DDX52: variants seen among roughly 807,000 people sequenced by gnomAD.
DDX52 encodes probable ATP-dependent RNA helicase DDX52.
DDX52 carries 59 observed loss-of-function variants against 76.1 expected under a neutral mutation model. The ratio of observed to expected loss-of-function variants is 0.78; its 90% CI spans 0.63 to 0.96. The LOEUF is 0.96. Among genes scored for constraint, DDX52 ranks in the 40% least tolerant of loss-of-function variants. DDX52 has a pLI of 0.00. For synonymous variants in DDX52, 231 were observed against 244.1 expected (o/e 0.95, Z 0.50); for missense variants, 707 against 703.9 (o/e 1.00, Z -0.05).
chr17:37,611,986 A>C lies in DDX52; in HGVS notation c.*2310T>G, dbSNP rs2064372936. 6.7e-6 allele frequency: 1 copy of C among 149,036 alleles called. No individual in the cohort carries two copies. The highest frequency in any genetic ancestry group is 1.9e-4 in the East Asian group (1 of 5,170). The allele number at this position is 149,036 out of a possible 1,614,324, so 9.2% of individuals were successfully genotyped here. On this transcript the variant is annotated 3_prime_UTR_variant, in exon 15 of 15. Transcript: ENST00000617633. The stretch of plus-strand genomic sequence containing the variant: ...AAAAAAAAAAAAACAAAACAAAAAA[A>C]CTCATAAAGTAAAAGTTACAGTAAG...
chr17:37,630,074 A>G lies in DDX52; in HGVS notation c.703T>C (p.Phe235Leu), dbSNP rs757742314. 30 of 1,613,930 alleles carry G rather than the reference A, an allele frequency of 1.9e-5. No homozygotes were observed. Among genetic ancestry groups the G allele is most frequent in the Non-Finnish European group, 2.5e-5 (29 of 1,179,996 alleles). ...GTTGGTGATATAATCAGGGCTCTGA[A>G]GCCTTTATTTGCGGGTTGTTTCAGC... is the stretch of plus-strand genomic sequence containing the variant. ...MQLKQPANKG[F>L]RALIISPTRE... Residue 235 changes from phenylalanine to leucine, a missense_variant, in exon 5 of 15, where the codon TTC becomes CTC. Phe to Leu is a conservative substitution (Grantham distance 22). Transcript: ENST00000617633.
Position 37,625,970 on chromosome 17 carries a change from G to A in DDX52, c.1061C>T (p.Ala354Val), listed in dbSNP as rs772998805. 1.2e-5 allele frequency: 19 copies of A among 1,614,086 alleles called. No homozygotes were observed. The highest frequency in any genetic ancestry group is 1.5e-5 in the Non-Finnish European group (18 of 1,180,048). ...SHKVRRAMFSATFAYDVEQWC... is the reference protein window; with the variant it reads ...SHKVRRAMFSVTFAYDVEQWC... ...CTGTTCAACATCATATGCAAAAGTT[G>A]CACTGAACATAGCTCTTCGGACCTT... The change falls in exon 8 of 15, where the codon GCA becomes GTA. Residue 354 changes from alanine to valine, a missense_variant. By Grantham distance (64) the Ala-to-Val change is moderately conservative. Transcript: ENST00000617633.
chr17:37,614,149 G>T lies in DDX52; in HGVS notation c.*147C>A. 1.3e-6 allele frequency: 1 copy of T among 796,996 alleles called. No homozygotes were observed. Among genetic ancestry groups the T allele is most frequent in the Non-Finnish European group, 1.9e-6 (1 of 526,808 alleles). 49.4% of individuals were successfully genotyped at this position (796,996 alleles called of 1,614,324 possible). ...AATTGAAACTGACTTGATAGTTTAG[G>T]ATCATTTATCACCAGTCCCATGTAC... On this transcript the variant is annotated 3_prime_UTR_variant, in exon 15 of 15. Transcript: ENST00000617633.
At position 37,621,264 on chromosome 17, in the gene DDX52, A is replaced by G; in HGVS notation, c.1364T>C (p.Val455Ala). ...GATTTTTCCTGCTCTGAAACTGTGGACTGTGTTATCTCTCTGGTTAACAGA... is the reference window on the plus strand; with the variant it reads ...GATTTTTCCTGCTCTGAAACTGTGGGCTGTGTTATCTCTCTGGTTAACAGA... ...ERTQQQRDNT[V>A]HSFRAGKIWV... The change falls in exon 11 of 15, where the codon GTC becomes GCC. Residue 455 changes from valine to alanine, a missense_variant. By Grantham distance (64) the Val-to-Ala change is moderately conservative (BLOSUM62 0). Transcript: ENST00000617633. The G allele has an allele frequency of 6.2e-7, 1 of 1,612,384 alleles. No individual in the cohort carries two copies. Among genetic ancestry groups the G allele is most frequent in the Non-Finnish European group, 8.5e-7 (1 of 1,179,478 alleles).
chr17:37,618,408 GA>G, intron 13 of DDX52, 24 bp from the exon 14 acceptor site: 1 of 1,552,620 alleles, frequency 6.4e-7, no homozygotes, highest in Non-Finnish European at 8.7e-7. Context: ...AGTAAAAAAG[GA>G]AAAGAATTAA....
chr17:37,642,379 C>T, intron 1 of DDX52, 71 bp from the exon 2 acceptor site: 1 of 1,479,510 alleles, frequency 6.8e-7, no homozygotes, highest in Non-Finnish European at 9.1e-7. Flanking sequence ...CAAGACTGTT[C>T]AATGACTCCT....
rs578073222 is a variant in DDX52 at position 37,633,425 on chromosome 17, T to C, written c.287-7A>G. The C allele has an allele frequency of 1.3e-6, 2 of 1,550,462 alleles. No homozygotes were observed. Among genetic ancestry groups the C allele is most frequent in the Non-Finnish European group, 1.7e-6 (2 of 1,156,300 alleles). On this transcript the variant is annotated splice_region_variant and splice_polypyrimidine_tract_variant and intron_variant, in intron 2 of 14. Coordinates refer to ENST00000617633, the MANE Select transcript of DDX52 (RefSeq NM_007010.5). The stretch of plus-strand genomic sequence containing the variant: ...TCTTCTTGGGAAGCAATTTCTAAAA[T>C]ATATTTTTAAAAAGTAAAAGATTTT...
chr17:37,621,666 C>T, intron 9 of DDX52, 146 bp from the exon 10 acceptor site: 2 of 995,958 alleles, frequency 2.0e-6, no homozygotes, highest in East Asian at 2.7e-5. Context: ...TCTAATTCTG[C>T]CTCCATCTTC....
chr17:37,620,777 G>T, intron 12 of DDX52, 96 bp downstream of exon 12: 1 of 1,222,868 alleles, frequency 8.2e-7, no homozygotes, highest in Non-Finnish European at 1.1e-6. Context: ...TAGAATTTGG[G>T]ACATAGCCAT....
chr17:37,632,231 G>C lies in DDX52; in HGVS notation c.485C>G (p.Thr162Arg). 6.2e-7 allele frequency: 1 copy of C among 1,614,094 alleles called. No individual in the cohort carries two copies. The highest frequency in any genetic ancestry group is 2.2e-5 in the East Asian group (1 of 44,886). Residue 162 changes from threonine to arginine, a missense_variant, in exon 4 of 15, where the codon ACA becomes AGA. Coordinates refer to ENST00000617633, the MANE Select transcript of DDX52 (RefSeq NM_007010.5). ...ATATTCCTGGTCAAGTTGCTGAAATGTAGCAATTGGGTCAGGAAGATCGGT... is the reference window on the plus strand; with the variant it reads ...ATATTCCTGGTCAAGTTGCTGAAATCTAGCAATTGGGTCAGGAAGATCGGT... ...QGTDLPDPIATFQQLDQEYKI... is the reference protein window; with the variant it reads ...QGTDLPDPIARFQQLDQEYKI...
chr17:37,621,709 C>T (rs1438265985), intron 9 of DDX52, among the ~76,000 whole-genome samples, 189 bp from the exon 10 acceptor site: 1 of 152,186 alleles, frequency 6.6e-6, no homozygotes, highest in Non-Finnish European at 1.5e-5. Context: ...TATTTCCACT[C>T]AACTTGAAAT....
At chr17:37,629,838 T>C (rs1339954071) in intron 5 of DDX52, among the ~76,000 whole-genome samples, 192 bp downstream of exon 5, 1 of 152,208 alleles carries the variant, frequency 6.6e-6, no homozygotes, top group Non-Finnish European at 1.5e-5. Flanking sequence ...CACTGTGTTT[T>C]AGAAACTTAC....
At chr17:37,629,447 AG>A (rs1257640963) in intron 5 of DDX52, among the ~76,000 whole-genome samples, 1 of 151,934 alleles carries the variant, frequency 6.6e-6, no homozygotes, top group Non-Finnish European at 1.5e-5. Flanking sequence ...CCAAGGTGGG[AG>A]GATCACTTGA....
chr17:37,624,532 A>G, intron 8 of DDX52, 98 bp from the exon 9 acceptor site: 1 of 821,666 alleles, frequency 1.2e-6, no homozygotes. Context: ...ACTCCAACAA[A>G]ATCAATTTTT....
At chr17:37,643,117 A>T in intron 1 of DDX52, 1 of 420,214 alleles carries the variant, frequency 2.4e-6, no homozygotes, top group Non-Finnish European at 4.2e-6. Context: ...GCCAGGCCCA[A>T]CTAGGTCTAC....
In DDX52 at chr17:37,643,383, C is replaced by T; in HGVS notation, c.38G>A (p.Gly13Glu). Residue 13 changes from glycine to glutamate, a missense_variant, in exon 1 of 15, where the codon GGG (glycine) becomes GAG (glutamate). By Grantham distance (98) the Gly-to-Glu change is moderately conservative (BLOSUM62 -2). Coordinates refer to ENST00000617633, the MANE Select transcript of DDX52 (RefSeq NM_007010.5). The stretch of plus-strand genomic sequence containing the variant: ...GAAGCGTCTCGTGTCGAATTTGGCC[C>T]CCGCGCCGAGCCGGCGAAAGAGATC... Reference protein sequence around the residue: ...VHDLFRRLGAGAKFDTRRFSA... With the variant: ...VHDLFRRLGAEAKFDTRRFSA... 1 of 1,613,992 alleles carries T rather than the reference C, an allele frequency of 6.2e-7. No homozygotes were observed. Among genetic ancestry groups the T allele is most frequent in the Non-Finnish European group, 8.5e-7 (1 of 1,179,906 alleles).
Position 37,643,331 on chromosome 17 carries a change from T to A in DDX52, c.87+3A>T, listed in dbSNP as rs752095053. 28 of 1,613,316 alleles carry A rather than the reference T, an allele frequency of 1.7e-5. No individual in the cohort carries two copies. Among genetic ancestry groups the A allele is most frequent in the Non-Finnish European group, 8.5e-7 (1 of 1,179,564 alleles). On this transcript the variant is annotated splice_donor_region_variant and intron_variant, in intron 1 of 14. Transcript: ENST00000617633. ...TCGGCCCTCGGTCCCTTGGGCACAG[T>A]ACCTGGAATCGAGCTGCGTCTGCCG... is the stretch of plus-strand genomic sequence containing the variant.
At chr17:37,618,181 A>G (rs966971977) in intron 14 of DDX52, 111 bp downstream of exon 14, 3 of 759,774 alleles carry the variant, frequency 3.9e-6, no homozygotes, top group African/African-American at 1.9e-5. Context: ...ATAACGTTTT[A>G]TAACAGACTG....
chr17:37,637,338 C>T (rs1407882576), intron 2 of DDX52, among the ~76,000 whole-genome samples: 1 of 151,332 alleles, frequency 6.6e-6, no homozygotes, highest in Non-Finnish European at 1.5e-5. Context: ...ACCATGTTGG[C>T]CAGGCTGGTT....
Sources: allele counts gnomAD v4.1 joint callset (sites outside exome capture counted in the v4.1 genomes callset), GRCh38; gene constraint gnomAD v4.1.1; transcripts MANE v1.5; gene names NCBI Gene and HGNC (gene_info 2026-07-23, HGNC 2026-07-21).